The following TPH2 variants were observed in gnomAD, a reference collection of about 807,000 sequenced individuals.
The protein encoded by TPH2 is tryptophan hydroxylase 2, also known as tryptophan 5-hydroxylase 2.
TPH2 carries 27 observed loss-of-function variants against 59.1 expected under a neutral mutation model. That is an observed-to-expected ratio of 0.46 (90% CI 0.34 to 0.63). TPH2 has a LOEUF of 0.63. TPH2 is among the 30% of genes least tolerant of loss of function. The pLI is 0.01. For synonymous variants in TPH2, 220 were observed against 210.5 expected (o/e 1.05, Z -0.39); for missense variants, 523 against 588.3 (o/e 0.89, Z 1.15).
intron 8 of TPH2, among the ~76,000 whole-genome samples, chr12:72,005,153 C>A (rs1431085219): frequency 1.3e-5 from 2 of 152,004 alleles, no homozygotes; most frequent in Admixed American, 6.6e-5. Context: ...GGGCTTAAAT[C>A]CAGACTAGGG....
At chr12:71,961,469 C>T in intron 5 of TPH2, 2 of 1,244,808 alleles carry the variant, frequency 1.6e-6, no homozygotes, top group Non-Finnish European at 2.1e-6. Context: ...TAGTAGTTAG[C>T]TGTGTTCTGT....
Position 72,032,002 on chromosome 12 carries a change from A to G in TPH2, c.*307A>G. On this transcript the variant is annotated 3_prime_UTR_variant, in exon 11 of 11. Transcript: ENST00000333850. ...AAAATTTGTAACAAATAGCCCTCTT[A>G]TGAGTCTCATTTATGCCCTTTTCTT... is the stretch of plus-strand genomic sequence containing the variant. 1 of 385,652 alleles carries G rather than the reference A, an allele frequency of 2.6e-6. No individual in the cohort carries two copies. Among genetic ancestry groups the G allele is most frequent in the South Asian group, 2.4e-5 (1 of 42,002 alleles). The allele number at this position is 385,652 out of a possible 1,614,324, so 23.9% of individuals were successfully genotyped here.
chr12:71,951,132 A>G (rs1871333744), intron 5 of TPH2, among the ~76,000 whole-genome samples: 1 of 151,764 alleles, frequency 6.6e-6, no homozygotes, highest in Non-Finnish European at 1.5e-5. Context: ...CCCAAGCCCA[A>G]CCTCAGGCCC....
At chr12:71,941,855 A>T in intron 2 of TPH2, 122 bp downstream of exon 2, 1 of 1,154,064 alleles carries the variant, frequency 8.7e-7, no homozygotes. Flanking sequence ...ATTCAAAGGA[A>T]CCAAACTTCG....
At chr12:71,950,357 G>A (rs1410407297) in intron 5 of TPH2, among the ~76,000 whole-genome samples, 1 of 152,100 alleles carries the variant, frequency 6.6e-6, no homozygotes, top group Non-Finnish European at 1.5e-5. Flanking sequence ...GGAGATAAGG[G>A]TGGGGCCATT....
At chr12:71,989,315 T>C (rs1328725841) in intron 7 of TPH2, among the ~76,000 whole-genome samples, 1 of 152,248 alleles carries the variant, frequency 6.6e-6, no homozygotes, top group African/African-American at 2.4e-5. Flanking sequence ...TATCATCTTA[T>C]GCAGTGAAAG....
intron 5 of TPH2, among the ~76,000 whole-genome samples, chr12:71,951,698 G>A (rs941019850): frequency 7.4e-6 from 1 of 135,420 alleles, no homozygotes. Context: ...ATGTGTGTGT[G>A]TGCATGTGTG....
chr12:72,008,337 A>G lies in TPH2; in HGVS notation c.1068+13772A>G, dbSNP rs192611347. On this transcript the variant is annotated intron_variant, in intron 8 of 10. Transcript: ENST00000333850. ...GAGATTCAGAAACCGTTGACCTGTA[A>G]TTAAGCCCATGCTTGCCTAATCAGA... Among the ~76,000 whole-genome samples the G allele has an allele frequency of 5.4e-4, 83 of 152,350 alleles. 2 individuals are homozygous for G. In the East Asian group the frequency reaches 0.015, roughly 28 times the overall value.
At chr12:71,939,161 G>C in intron 1 of TPH2, 70 bp downstream of exon 1, 1 of 1,190,396 alleles carries the variant, frequency 8.4e-7, no homozygotes, top group Non-Finnish European at 1.2e-6. Flanking sequence ...CTCACCATAT[G>C]AATCCCTTTT....
At chr12:72,015,388 T>C (rs545879345) in intron 8 of TPH2, among the ~76,000 whole-genome samples, 3 of 149,976 alleles carry the variant, frequency 2.0e-5, no homozygotes, top group African/African-American at 4.9e-5. Context: ...GGTGCGATCT[T>C]GGTTCACTGC....
chr12:71,987,955 A>G (rs775622131), intron 7 of TPH2, among the ~76,000 whole-genome samples: 9 of 152,240 alleles, frequency 5.9e-5, no homozygotes, highest in Non-Finnish European at 1.0e-4. Flanking sequence ...AGATGTGGTT[A>G]TCTACATTTA....
Position 71,944,426 on chromosome 12 carries a change from AC to A in TPH2, c.390del (p.Thr131LeufsTer3). The part of the protein sequence containing the change: ...NELIQLLKFQ[T>X]TIVTLNPPEN... ...GCTCATTCAGTTGCTGAAATTTCAA[AC>A]CACTATTGTGACGCTGAATCCTCCA... On this transcript the variant is annotated frameshift_variant, in exon 3 of 11. Coordinates refer to ENST00000333850, the MANE Select transcript of TPH2 (RefSeq NM_173353.4). LOFTEE classifies it high-confidence loss of function. 1 of 1,614,004 alleles carries A rather than the reference AC, an allele frequency of 6.2e-7. No individual in the cohort carries two copies. Among genetic ancestry groups the A allele is most frequent in the Non-Finnish European group, 8.5e-7 (1 of 1,179,886 alleles).
At chr12:71,982,771 T>TG (rs1343485998) in intron 7 of TPH2, among the ~76,000 whole-genome samples, 1 of 152,184 alleles carries the variant, frequency 6.6e-6, no homozygotes, top group Admixed American at 6.5e-5. Context: ...TAGTGGAGGC[T>TG]GCGCTAATGA....
chr12:72,000,475 C>T (rs900708773), intron 8 of TPH2, among the ~76,000 whole-genome samples: 17 of 152,164 alleles, frequency 1.1e-4, no homozygotes, highest in African/African-American at 4.1e-4. Flanking sequence ...TGGAGTGGGT[C>T]TAGAGTGAGG....
Position 71,962,569 on chromosome 12 carries a change from G to C in TPH2, c.609-9950G>C, listed in dbSNP as rs1040605880. On this transcript the variant is annotated intron_variant, in intron 5 of 10. Coordinates refer to ENST00000333850, the MANE Select transcript of TPH2 (RefSeq NM_173353.4). ...AAGTTTGTTACAATCCTGAATCTTT[G>C]CTTTTTGCATAGTAATTGAAATATA... 8 of 985,108 alleles carry C rather than the reference G, an allele frequency of 8.1e-6. No homozygotes were observed. In the African/African-American group the frequency reaches 1.4e-4, roughly 17 times the overall value. 61.0% of individuals were successfully genotyped at this position (985,108 alleles called of 1,614,324 possible). A position where few individuals can be genotyped will look rare whatever the true frequency, so the allele number is the denominator to read the frequency against.
At chr12:71,959,222 A>G (rs1006818402) in intron 5 of TPH2, among the ~76,000 whole-genome samples, 1 of 152,182 alleles carries the variant, frequency 6.6e-6, no homozygotes, top group African/African-American at 2.4e-5. Context: ...GAATGAACAT[A>G]TTGGATTTCC....
intron 8 of TPH2, among the ~76,000 whole-genome samples, chr12:71,998,275 A>G (rs567347842): frequency 3.0e-4 from 46 of 152,272 alleles, no homozygotes; most frequent in Non-Finnish European, 4.4e-4. Flanking sequence ...TCCCAATTCT[A>G]TAGGCTGCCC....
At chr12:71,977,276 C>T (rs775737404) in intron 6 of TPH2, among the ~76,000 whole-genome samples, 11 of 152,210 alleles carry the variant, frequency 7.2e-5, no homozygotes, top group South Asian at 4.1e-4. Flanking sequence ...AGGTTGGTCT[C>T]GAAGTCCTGG....
At chr12:71,951,258 T>C (rs1303605471) in intron 5 of TPH2, among the ~76,000 whole-genome samples, 1 of 152,158 alleles carries the variant, frequency 6.6e-6, no homozygotes, top group East Asian at 1.9e-4. Context: ...GCCCTGATGA[T>C]GGTTGTGAGC....
Sources: gnomAD v4.1 joint callset for allele counts (sites outside exome capture counted in the v4.1 genomes callset) on GRCh38, gnomAD v4.1.1 for gene constraint, MANE v1.5 for transcripts, NCBI Gene and HGNC (gene_info 2026-07-23, HGNC 2026-07-21) for gene names.